Variants in FA2H observed in about 807,000 individuals in gnomAD.
FA2H encodes the protein fatty acid alpha-hydroxylase.
In FA2H, 22 loss-of-function variants were observed where a neutral mutation model predicts 44.9. The observed-to-expected ratio is 0.49, with a 90% CI of 0.35 to 0.70. FA2H has a LOEUF of 0.70. Among genes scored for constraint, FA2H ranks in the 30% least tolerant of loss-of-function variants. The pLI, the probability that FA2H is intolerant of heterozygous loss-of-function variation, is 0.01. For synonymous variants in FA2H, 243 were observed against 213.2 expected, an observed-to-expected ratio of 1.14 and a Z score of -1.22; for missense variants, 501 against 504.9, an observed-to-expected ratio of 0.99 and a Z score of 0.07.
intron 4 of FA2H, among the ~76,000 whole-genome samples, chr16:74,722,812 G>A (rs1374351437): frequency 6.6e-6 from 1 of 151,964 alleles, no homozygotes; most frequent in African/African-American, 2.4e-5. Context: ...CTGGGAGGCT[G>A]AGGCAGGAGA....
chr16:74,732,544 C>A (rs1962094683), intron 2 of FA2H, among the ~76,000 whole-genome samples: 1 of 151,962 alleles, frequency 6.6e-6, no homozygotes, highest in East Asian at 1.9e-4. Context: ...TGAAGTGATT[C>A]TCCTGCCTCA....
intron 1 of FA2H, among the ~76,000 whole-genome samples, chr16:74,743,015 T>A (rs968118312): frequency 1.6e-4 from 24 of 152,164 alleles, no homozygotes; most frequent in African/African-American, 5.8e-4. Flanking sequence ...TATTATTTTT[T>A]AATTATTTTC....
At chr16:74,773,166 T>G (rs902012035) in intron 1 of FA2H, among the ~76,000 whole-genome samples, 10 of 152,272 alleles carry the variant, frequency 6.6e-5, no homozygotes, top group African/African-American at 2.2e-4. Context: ...GTCAGCCACT[T>G]TGCCTGGCCT....
intron 1 of FA2H, among the ~76,000 whole-genome samples, chr16:74,750,355 C>A (rs927592459): frequency 7.2e-5 from 11 of 152,200 alleles, no homozygotes; most frequent in Non-Finnish European, 1.6e-4. Context: ...AAAGGAGAAT[C>A]AAGACTATTG....
intron 1 of FA2H, among the ~76,000 whole-genome samples, chr16:74,763,006 C>T (rs1003969655): frequency 1.3e-5 from 2 of 152,216 alleles, no homozygotes; most frequent in Non-Finnish European, 2.9e-5. Context: ...CCAAGCTGAT[C>T]TGTCCTTTTC....
At chr16:74,728,308 T>C (rs1961999044) in intron 2 of FA2H, among the ~76,000 whole-genome samples, 1 of 152,158 alleles carries the variant, frequency 6.6e-6, no homozygotes, top group Admixed American at 6.5e-5. Flanking sequence ...CTCAATGAGA[T>C]GTGGCATGCC....
At chr16:74,745,755 G>C (rs575743299) in intron 1 of FA2H, among the ~76,000 whole-genome samples, 117 of 150,994 alleles carry the variant, frequency 7.7e-4, no homozygotes, top group Non-Finnish European at 1.6e-3. Context: ...TTTCCTCTCT[G>C]GTCAGTCCAA....
At chr16:74,729,958 C>G (rs1962041204) in intron 2 of FA2H, among the ~76,000 whole-genome samples, 1 of 152,072 alleles carries the variant, frequency 6.6e-6, no homozygotes, top group Non-Finnish European at 1.5e-5. Context: ...GCAAGGGCTG[C>G]ACGTGGAAGA....
chr16:74,773,579 T>A (rs1473676542), intron 1 of FA2H, among the ~76,000 whole-genome samples: 1 of 152,172 alleles, frequency 6.6e-6, no homozygotes, highest in Non-Finnish European at 1.5e-5. Context: ...TAGGTCTGTC[T>A]CCTCCACCCG....
chr16:74,758,630 G>T (rs1962656172), intron 1 of FA2H, among the ~76,000 whole-genome samples: 1 of 152,086 alleles, frequency 6.6e-6, no homozygotes, highest in South Asian at 2.1e-4. Flanking sequence ...ATGTCGATTA[G>T]AATGAGAGTT....
At chr16:74,763,461 T>C (rs999959698) in intron 1 of FA2H, among the ~76,000 whole-genome samples, 1 of 152,198 alleles carries the variant, frequency 6.6e-6, no homozygotes, top group African/African-American at 2.4e-5. Flanking sequence ...TCTCACCATG[T>C]TGGCCAGGCT....
intron 5 of FA2H, among the ~76,000 whole-genome samples, chr16:74,717,756 G>A (rs930955033): frequency 1.9e-4 from 29 of 152,350 alleles, no homozygotes; most frequent in Middle Eastern, 3.4e-3. Flanking sequence ...GGGTGGAAGT[G>A]TCTCAAAAGA....
At chr16:74,722,476 C>T (rs764772334) in intron 4 of FA2H, among the ~76,000 whole-genome samples, 35 of 152,048 alleles carry the variant, frequency 2.3e-4, no homozygotes, top group Non-Finnish European at 4.7e-4. Context: ...TTCAAGCCTG[C>T]AGTGAGCTGT....
intron 4 of FA2H, among the ~76,000 whole-genome samples, chr16:74,719,693 G>C (rs1365467838): frequency 2.6e-5 from 4 of 151,986 alleles, no homozygotes; most frequent in Non-Finnish European, 1.5e-5. Flanking sequence ...GCATGCCACC[G>C]CACCCAGCTA....
intron 1 of FA2H, among the ~76,000 whole-genome samples, chr16:74,773,405 G>A (rs1036439431): frequency 6.6e-6 from 1 of 152,144 alleles, no homozygotes; most frequent in Non-Finnish European, 1.5e-5. Flanking sequence ...TACTATCTGT[G>A]GTTTTAAGGA....
chr16:74,723,008 T>C (rs1176064749), intron 4 of FA2H, among the ~76,000 whole-genome samples: 2 of 152,228 alleles, frequency 1.3e-5, no homozygotes, highest in Non-Finnish European at 2.9e-5. Flanking sequence ...CTAAGCATAT[T>C]TTTTAGTCCA....
chr16:74,760,384 T>G (rs1962687094), intron 1 of FA2H, among the ~76,000 whole-genome samples: 2 of 152,222 alleles, frequency 1.3e-5, no homozygotes, highest in South Asian at 4.1e-4. Flanking sequence ...TTAAAGACTT[T>G]GGGATACAAC....
intron 2 of FA2H, among the ~76,000 whole-genome samples, chr16:74,732,709 T>G (rs1002270650): frequency 6.6e-6 from 1 of 152,174 alleles, no homozygotes; most frequent in Non-Finnish European, 1.5e-5. Context: ...GTGCTGGGAT[T>G]ACAGGTGTGA....
At chr16:74,761,458 A>AAAAGAAAGAAAG (rs147015393) in intron 1 of FA2H, among the ~76,000 whole-genome samples, 3 of 93,596 alleles carry the variant, frequency 3.2e-5, no homozygotes, top group African/African-American at 1.3e-4. Context: ...GTCTCAAAAA[A>AAAAGAAAGAAAG]AAAGAAAGAA....
Sources: allele counts gnomAD v4.1 joint callset (sites outside exome capture counted in the v4.1 genomes callset), GRCh38; gene constraint gnomAD v4.1.1; transcripts MANE v1.5; gene names NCBI Gene and HGNC (gene_info 2026-07-23, HGNC 2026-07-21).